RNF39: variants seen among roughly 807,000 people sequenced by gnomAD.
RNF39 encodes the protein LTP (long-term potentiation) induced RING finger protein.
RNF39 carries 25 observed loss-of-function variants against 29.2 expected under a neutral mutation model. The ratio of observed to expected loss-of-function variants is 0.86; its 90% confidence interval spans 0.62 to 1.20. RNF39 has a LOEUF of 1.20. RNF39 is among the 50% of genes most tolerant of loss of function. RNF39 has a pLI of 0.00. For missense variants in RNF39, 519 were observed against 515.0 expected (o/e 1.01, Z -0.08); for synonymous variants, 219 against 229.0 (o/e 0.96, Z 0.40).
chr6:30,071,501 CG>C lies in RNF39; in HGVS notation c.668del (p.Ala223GlyfsTer36). On this transcript the variant is annotated frameshift_variant, in exon 4 of 4. Coordinates refer to ENST00000244360, the MANE Select transcript of RNF39 (RefSeq NM_025236.4). LOFTEE classifies it high-confidence loss of function. This position sits in a 1 kb window ranked among gnomAD's most constrained non-coding sequence, Gnocchi z 5.0. ...AAGAGTCTCTGCAGGAGGCGGCGTC[CG>C]CAGTCTCCACCTCCCAGCAGTGGCG... The part of the protein sequence containing the change: ...AGRHCWEVET[A>X]DAASCRDSSG... The C allele has an allele frequency of 6.4e-7, 1 of 1,550,592 alleles. No individual in the cohort carries two copies.
In RNF39 at chr6:30,071,102, A is replaced by G. The variant is rs1765910225; in HGVS notation, c.*9T>C. On this transcript the variant is annotated 3_prime_UTR_variant, in exon 4 of 4. Coordinates refer to ENST00000244360, the MANE Select transcript of RNF39 (RefSeq NM_025236.4). The surrounding 1 kb of genome is among the most constrained non-coding windows in gnomAD (Gnocchi z 5.0). ...GTGGCCGGGCCAAACTTCTAGTTGGAGACGAGACTCAGCTTTCCGCTGGTA... is the reference window on the plus strand; with the variant it reads ...GTGGCCGGGCCAAACTTCTAGTTGGGGACGAGACTCAGCTTTCCGCTGGTA... 1 of 1,551,764 alleles carries G rather than the reference A, an allele frequency of 6.4e-7. No homozygotes were observed. Among genetic ancestry groups the G allele is most frequent in the African/African-American group, 1.4e-5 (1 of 73,220 alleles).
Position 30,075,703 on chromosome 6 carries a change from A to G in RNF39, c.-118T>C. ...AGATGCCCTTCTCTCCGACTCCCGC[A>G]TTAACTTTTGCCGCTTTCCGCCCCT... On this transcript the variant is annotated 5_prime_UTR_variant, in exon 1 of 4. The change abolishes an upstream ATG in the 5' untranslated region. Transcript: ENST00000244360. The G allele has an allele frequency of 1.2e-6, 2 of 1,613,840 alleles. No individual in the cohort carries two copies.
In RNF39 at chr6:30,072,114, A is replaced by G. The variant is rs1445721536; in HGVS notation, c.479-423T>C. 1.3e-5 allele frequency among the ~76,000 whole-genome samples: 2 copies of G among 152,072 alleles called. No homozygotes were observed. Among genetic ancestry groups the G allele is most frequent in the Non-Finnish European group, 2.9e-5 (2 of 68,002 alleles). ...AGCAAAATGGGGAAGGTTCATCTAA[A>G]GAGAAAGTCGTACTGATACTGGAAC... is the stretch of plus-strand genomic sequence containing the variant. On this transcript the variant is annotated intron_variant, in intron 3 of 3. Transcript: ENST00000244360. This position sits in a 1 kb window ranked among gnomAD's most constrained non-coding sequence, Gnocchi z 4.5.
In RNF39 at chr6:30,074,699, C is replaced by T. The variant is rs1168341869; in HGVS notation, c.363+524G>A. Among the ~76,000 whole-genome samples, 1 of 151,922 alleles carries T rather than the reference C, an allele frequency of 6.6e-6. No homozygotes were observed. Among genetic ancestry groups the T allele is most frequent in the Non-Finnish European group, 1.5e-5 (1 of 67,968 alleles). Reference sequence around the variant, plus strand: ...CCCTCCTCCCCAGCTTTTTCTCCGCCCCCAACCCACCAGCCCAGCCTCCTG... The same window carrying T: ...CCCTCCTCCCCAGCTTTTTCTCCGCTCCCAACCCACCAGCCCAGCCTCCTG... On this transcript the variant is annotated intron_variant, in intron 1 of 3. Coordinates refer to ENST00000244360, the MANE Select transcript of RNF39 (RefSeq NM_025236.4). This position sits in a 1 kb window ranked among gnomAD's most constrained non-coding sequence, Gnocchi z 4.1.
chr6:30,070,995 T>C lies in RNF39; in HGVS notation c.*116A>G. The C allele has an allele frequency of 1.1e-6, 1 of 891,048 alleles. No homozygotes were observed. The highest frequency in any genetic ancestry group is 1.8e-6 in the Non-Finnish European group (1 of 545,562). 55.2% of individuals were successfully genotyped at this position (891,048 alleles called of 1,614,324 possible). A position where few individuals can be genotyped will look rare whatever the true frequency, so the allele number is the denominator to read the frequency against. ...TTTGGGGCGAAAATGTGGGTTGCTA[T>C]TAATACTCCTGCAATGGGCGTGTGA... On this transcript the variant is annotated 3_prime_UTR_variant, in exon 4 of 4. Transcript: ENST00000244360.
rs1022916676 is a variant in RNF39, at chr6:30,075,473, C to T, written c.113G>A (p.Ser38Asn). Residue 38 changes from serine (S) to asparagine (N), a missense_variant, in exon 1 of 4, where the codon AGC (serine) becomes AAC (asparagine). By Grantham distance (46) the Ser-to-Asn change is conservative. Coordinates refer to ENST00000244360, the MANE Select transcript of RNF39 (RefSeq NM_025236.4). ...EDPVLLACEH[S>N]FCRACLARRW... ...GCGGGCCAGACACGCGCGGCAGAAG[C>T]TGTGCTCGCACGCCAGAAGCACCGG... The T allele has an allele frequency of 3.2e-6, 5 of 1,551,994 alleles. No individual in the cohort carries two copies. The African/African-American group carries it at 5.5e-5, about 17-fold the overall frequency.
rs9261291 is a variant in RNF39, at chr6:30,070,935, C to T, written c.*176G>A. 0.15 allele frequency: 107,076 copies of T among 718,472 alleles called. 9,901 individuals are homozygous for T. Among genetic ancestry groups the T allele is most frequent in the African/African-American group, 0.27 (15,707 of 57,506 alleles). The allele number at this position is 718,472 out of a possible 1,614,324, so 44.5% of individuals were successfully genotyped here. ...GAATGGATTTGGTTTTGAGCAGGGA[C>T]GTGGAAACGTGGAGACCAGGTGAGG... is the stretch of plus-strand genomic sequence containing the variant. On this transcript the variant is annotated 3_prime_UTR_variant, in exon 4 of 4. Coordinates refer to ENST00000244360, the MANE Select transcript of RNF39 (RefSeq NM_025236.4).
intron 1 of RNF39, 106 bp from the exon 2 acceptor site, chr6:30,073,584 T>A: frequency 8.1e-7 from 1 of 1,229,308 alleles, no homozygotes; most frequent in Non-Finnish European, 1.2e-6. Flanking sequence ...GAGTTAGCAG[T>A]GTCCCTCCTC....
In RNF39 at chr6:30,072,929, G is replaced by A. The variant is rs2074481; in HGVS notation, c.478+228C>T. Among the ~76,000 whole-genome samples, 3 of 152,064 alleles carry A rather than the reference G, an allele frequency of 2.0e-5. No homozygotes were observed. Among genetic ancestry groups the A allele is most frequent in the Non-Finnish European group, 4.4e-5 (3 of 68,014 alleles). On this transcript the variant is annotated intron_variant, in intron 3 of 3. Coordinates refer to ENST00000244360, the MANE Select transcript of RNF39 (RefSeq NM_025236.4). This position sits in a 1 kb window ranked among gnomAD's most constrained non-coding sequence, Gnocchi z 4.5. ...ATGGAACAGATTCTGTCTCATGGCC[G>A]TCAGAAGGAACCAACACTGCTGACA...
Position 30,071,267 on chromosome 6 carries a change from C to A in RNF39, c.903G>T (p.Leu301=). Residue 301 remains leucine, a synonymous_variant, in exon 4 of 4, where the codon CTG becomes CTT. Coordinates refer to ENST00000244360, the MANE Select transcript of RNF39 (RefSeq NM_025236.4). This position sits in a 1 kb window ranked among gnomAD's most constrained non-coding sequence, Gnocchi z 5.0. ...AGGCCACGCGGCCCCGCTCCCAGTC[C>A]AGGTCCACGCGAATGCGCCGCGGCG... The part of the protein sequence containing the change: ...EPPPRRIRVD[L]DWERGRVAFY... 6.6e-7 allele frequency: 1 copy of A among 1,508,582 alleles called. No individual in the cohort carries two copies. Among genetic ancestry groups the A allele is most frequent in the Non-Finnish European group, 8.8e-7 (1 of 1,131,238 alleles). 93.4% of individuals were successfully genotyped at this position (1,508,582 alleles called of 1,614,324 possible). A position where few individuals can be genotyped will look rare whatever the true frequency, so the allele number is the denominator to read the frequency against.
chr6:30,071,061 A>G lies in RNF39; in HGVS notation c.*50T>C. The stretch of plus-strand genomic sequence containing the variant: ...TGAGTGGGGAATTCCACCCCCAAAA[A>G]GCAGCTGCAGGGCCAGTGGCCGGGC... On this transcript the variant is annotated 3_prime_UTR_variant, in exon 4 of 4. Coordinates refer to ENST00000244360, the MANE Select transcript of RNF39 (RefSeq NM_025236.4). This position sits in a 1 kb window ranked among gnomAD's most constrained non-coding sequence, Gnocchi z 5.0. 7.0e-7 allele frequency: 1 copy of G among 1,425,690 alleles called. No homozygotes were observed. The highest frequency in any genetic ancestry group is 9.7e-7 in the Non-Finnish European group (1 of 1,032,988). The allele number at this position is 1,425,690 out of a possible 1,614,324, so 88.3% of individuals were successfully genotyped here.
In RNF39 at chr6:30,071,354, G is replaced by A. The variant is rs1765950220; in HGVS notation, c.816C>T (p.Arg272=). The A allele has an allele frequency of 6.8e-7, 1 of 1,460,812 alleles. No homozygotes were observed. Among genetic ancestry groups the A allele is most frequent in the Non-Finnish European group, 9.0e-7 (1 of 1,114,574 alleles). The allele number at this position is 1,460,812 out of a possible 1,614,324, so 90.5% of individuals were successfully genotyped here. ...CCGTGAGGGCCCACAGGCGGCCGCC[G>A]CGGCCCTCCACGGCCCACACGGCCC... is the stretch of plus-strand genomic sequence containing the variant. ...PAGAVWAVEG[R]GGRLWALTAP... Residue 272 remains arginine, a synonymous_variant, in exon 4 of 4, where the codon CGC becomes CGT. Coordinates refer to ENST00000244360, the MANE Select transcript of RNF39 (RefSeq NM_025236.4). This position sits in a 1 kb window ranked among gnomAD's most constrained non-coding sequence, Gnocchi z 5.0.
At chr6:30,075,089 C>G (rs1766298656) in intron 1 of RNF39, 134 bp downstream of exon 1, 2 of 940,942 alleles carry the variant, frequency 2.1e-6, no homozygotes, top group African/African-American at 3.4e-5. Flanking sequence ...GCCCCCTCAT[C>G]CTTTGCTTTT....
chr6:30,071,473 C>A lies in RNF39; in HGVS notation c.697G>T (p.Gly233Trp). 1 of 1,571,696 alleles carries A rather than the reference C, an allele frequency of 6.4e-7. No homozygotes were observed. The highest frequency in any genetic ancestry group is 2.4e-5 in the East Asian group (1 of 42,352). Residue 233 changes from glycine to tryptophan, a missense_variant, in exon 4 of 4, where the codon GGG becomes TGG. Transcript: ENST00000244360. This position sits in a 1 kb window ranked among gnomAD's most constrained non-coding sequence, Gnocchi z 5.0. ...ADAASCRDSS[G>W]EDADDEESHY... ...CTCTCCTCGTCGTCCGCATCCTCCC[C>A]AGAAGAGTCTCTGCAGGAGGCGGCG...
At position 30,070,588 on chromosome 6, in the gene RNF39, G is replaced by A; in HGVS notation, c.*523C>T. On this transcript the variant is annotated 3_prime_UTR_variant, in exon 4 of 4. Transcript: ENST00000244360. The stretch of plus-strand genomic sequence containing the variant: ...CTCCCCACCCCCAGATCCTGCAAAA[G>A]AGGTACAAAGCTTCCCAGAGGGCCA... 3.1e-6 allele frequency: 1 copy of A among 318,764 alleles called. No individual in the cohort carries two copies. Among genetic ancestry groups the A allele is most frequent in the Non-Finnish European group, 6.2e-6 (1 of 160,656 alleles). 19.7% of individuals were successfully genotyped at this position (318,764 alleles called of 1,614,324 possible).
In RNF39 at chr6:30,073,224, T is replaced by A. The variant is rs1766136040; in HGVS notation, c.411A>T (p.Ser137=). Reference sequence around the variant, plus strand: ...CAGGGAGATCATCCTCTGAATTAGATGACTTGGATGTTGGGACTTCAAATC... The same window carrying A: ...CAGGGAGATCATCCTCTGAATTAGAAGACTTGGATGTTGGGACTTCAAATC... The part of the protein sequence containing the change: ...WRRFEVPTSK[S]SNSEDDLPED... Residue 137 remains serine (S), a synonymous_variant, in exon 3 of 4, where the codon TCA becomes TCT. Coordinates refer to ENST00000244360, the MANE Select transcript of RNF39 (RefSeq NM_025236.4). 1 of 1,612,896 alleles carries A rather than the reference T, an allele frequency of 6.2e-7. No homozygotes were observed. Among genetic ancestry groups the A allele is most frequent in the East Asian group, 2.2e-5 (1 of 44,876 alleles).
chr6:30,073,346 T>C, intron 2 of RNF39, 98 bp from the exon 3 acceptor site: 1 of 1,532,520 alleles, frequency 6.5e-7, no homozygotes, highest in Non-Finnish European at 9.0e-7. Context: ...GGGATGAGAC[T>C]ATACCCCAGA....
At chr6:30,073,313 C>T in intron 2 of RNF39, 65 bp from the exon 3 acceptor site, 1 of 1,472,238 alleles carries the variant, frequency 6.8e-7, no homozygotes, top group Non-Finnish European at 9.5e-7. Context: ...ACGCATACCC[C>T]ACTCACATCT....
At position 30,071,287 on chromosome 6, in the gene RNF39, G is replaced by T. The variant is rs771032648; in HGVS notation, c.883C>A (p.Arg295=). Residue 295 remains arginine (R), a synonymous_variant, in exon 4 of 4, where the codon CGG becomes AGG. Transcript: ENST00000244360. This position sits in a 1 kb window ranked among gnomAD's most constrained non-coding sequence, Gnocchi z 5.0. ...TLLGGVEPPP[R]RIRVDLDWER... is the part of the protein sequence containing the mutation. The stretch of plus-strand genomic sequence containing the variant: ...CAGTCCAGGTCCACGCGAATGCGCC[G>T]CGGCGGGGGCTCAACACCGCCCAGC... The T allele has an allele frequency of 2.0e-6, 3 of 1,502,032 alleles. No homozygotes were observed. Among genetic ancestry groups the T allele is most frequent in the Non-Finnish European group, 1.8e-6 (2 of 1,128,482 alleles). The allele number at this position is 1,502,032 out of a possible 1,614,324, so 93.0% of individuals were successfully genotyped here.
Sources: allele counts gnomAD v4.1 joint callset (sites outside exome capture counted in the v4.1 genomes callset), GRCh38; gene constraint gnomAD v4.1.1; non-coding constraint Gnocchi (gnomAD v3.1); transcripts MANE v1.5; gene names NCBI Gene and HGNC (gene_info 2026-07-23, HGNC 2026-07-21).